PCSK5: variants seen among roughly 807,000 people sequenced by gnomAD.
The protein encoded by PCSK5 is prohormone convertase 5.
PCSK5 carries 129 observed loss-of-function variants against 233.2 expected under a neutral mutation model. That is an observed-to-expected ratio of 0.55 (90% confidence interval 0.48 to 0.64). The LOEUF is 0.64. Ranked by LOEUF, PCSK5 falls within the 30% of genes least tolerant of loss-of-function variation. The pLI is 0.00. For missense variants in PCSK5, 2,076 were observed against 2,430.1 expected (o/e 0.85, Z 3.06); for synonymous variants, 825 against 879.2 (o/e 0.94, Z 1.09).
intron 28 of PCSK5, among the ~76,000 whole-genome samples, chr9:76,304,108 G>T (rs928494518): frequency 2.6e-5 from 4 of 152,132 alleles, no homozygotes; most frequent in African/African-American, 7.2e-5. Context: ...GGAGGTGAAG[G>T]TTGCAGTGAG....
chr9:76,220,557 G>C (rs968791447), intron 20 of PCSK5, among the ~76,000 whole-genome samples: 2 of 147,616 alleles, frequency 1.4e-5, no homozygotes, highest in Admixed American at 6.7e-5. Flanking sequence ...ATCACACTCA[G>C]GTCTTTTACC....
intron 1 of PCSK5, 89 bp downstream of exon 1, chr9:75,891,462 C>T (rs1315385499): frequency 1.8e-6 from 2 of 1,084,238 alleles, no homozygotes; most frequent in Non-Finnish European, 1.3e-6. Flanking sequence ...CCCCCTCTTC[C>T]AGATGTGCTC....
chr9:76,296,808 C>G lies in PCSK5; in HGVS notation c.3466C>G (p.Leu1156Val). Residue 1156 changes from leucine (L) to valine (V), a missense_variant, in exon 27 of 38, where the codon CTG (leucine) becomes GTG (valine). Transcript: ENST00000674117. ...CSSCQEGLQL[L>V]RGMCVHATKT... ...CAGCTGCCAGGAAGGACTGCAGCTG[C>G]TGCGTGGGATGTGCGTGCATGCCAC... The G allele has an allele frequency of 1.2e-6, 2 of 1,612,456 alleles. No individual in the cohort carries two copies. The highest frequency in any genetic ancestry group is 1.7e-6 in the Non-Finnish European group (2 of 1,179,628).
chr9:76,285,092 G>T (rs916905199), intron 24 of PCSK5, among the ~76,000 whole-genome samples: 7 of 152,178 alleles, frequency 4.6e-5, no homozygotes, highest in Non-Finnish European at 1.0e-4. Context: ...TGTTGATTGA[G>T]ATTGGAGAGT....
chr9:75,920,045 T>C (rs1823179324), intron 1 of PCSK5, among the ~76,000 whole-genome samples: 1 of 152,156 alleles, frequency 6.6e-6, no homozygotes, highest in Admixed American at 6.5e-5. Flanking sequence ...GGCACATGCC[T>C]GTAATCCCAA....
intron 24 of PCSK5, among the ~76,000 whole-genome samples, chr9:76,251,294 T>A (rs907187699): frequency 6.6e-6 from 1 of 151,058 alleles, no homozygotes; most frequent in Non-Finnish European, 1.5e-5. Flanking sequence ...CCAGGCGCGG[T>A]GGCTCACGCC....
chr9:75,909,221 G>C (rs983606575), intron 1 of PCSK5, among the ~76,000 whole-genome samples: 1 of 151,988 alleles, frequency 6.6e-6, no homozygotes, highest in Non-Finnish European at 1.5e-5. Context: ...GTTACTCTGG[G>C]AGGCTGAGGC....
At position 76,071,869 on chromosome 9, in the gene PCSK5, C is replaced by T. The variant is rs1454758300; in HGVS notation, c.865C>T (p.Arg289Trp). 2.5e-6 allele frequency: 4 copies of T among 1,613,962 alleles called. No homozygotes were observed. The Admixed American group carries it at 5.0e-5, about 20-fold the overall frequency. Residue 289 changes from arginine to tryptophan, a missense_variant, in exon 7 of 38, where the codon CGG becomes TGG. By Grantham distance (101) the Arg-to-Trp change is moderately radical. Around this residue, in one of 6 missense-constraint regions of PCSK5, gnomAD observed 178 missense variants for 393.6 expected, o/e 0.45. Coordinates refer to ENST00000674117, the MANE Select transcript of PCSK5 (RefSeq NM_001372043.1). Reference sequence around the variant, plus strand: ...TGTGGACGGACCAGCCCCCCTCACCCGGCAAGCCTTTGAAAACGGCGTTAG... The same window carrying T: ...TGTGGACGGACCAGCCCCCCTCACCTGGCAAGCCTTTGAAAACGGCGTTAG... ...KTVDGPAPLTRQAFENGVRMG... is the reference protein window; with the variant it reads ...KTVDGPAPLTWQAFENGVRMG...
At chr9:75,893,351 T>A (rs1042945305) in intron 1 of PCSK5, among the ~76,000 whole-genome samples, 1 of 152,142 alleles carries the variant, frequency 6.6e-6, no homozygotes. Context: ...CAGTCCCCCA[T>A]GGATCCTGCC....
At chr9:75,960,024 A>G (rs1825273004) in intron 2 of PCSK5, among the ~76,000 whole-genome samples, 1 of 152,206 alleles carries the variant, frequency 6.6e-6, no homozygotes, top group Admixed American at 6.5e-5. Context: ...CTAGGATTCA[A>G]ACTCATGTGT....
In PCSK5 at chr9:76,184,747, G is replaced by T; in HGVS notation, c.2272G>T (p.Asp758Tyr). 2 of 1,599,392 alleles carry T rather than the reference G, an allele frequency of 1.3e-6. No individual in the cohort carries two copies. The highest frequency in any genetic ancestry group is 2.2e-5 in the South Asian group (2 of 90,582). Residue 758 changes from aspartate (D) to tyrosine (Y), a missense_variant, in exon 17 of 38, where the codon GAT (aspartate) becomes TAT (tyrosine). Asp to Tyr is a radical substitution (Grantham distance 160). Transcript: ENST00000674117. ...TEFHNCTECR[D>Y]GLSLQGSRCS... is the part of the protein sequence containing the mutation. Reference sequence around the variant, plus strand: ...ATTCCATAACTGTACAGAATGTAGGGATGGGTTAAGGTAAGAGAGTGAAGG... The same window carrying T: ...ATTCCATAACTGTACAGAATGTAGGTATGGGTTAAGGTAAGAGAGTGAAGG...
At chr9:76,192,258 T>C (rs1824428994) in intron 20 of PCSK5, among the ~76,000 whole-genome samples, 1 of 152,058 alleles carries the variant, frequency 6.6e-6, no homozygotes, top group Admixed American at 6.6e-5. Flanking sequence ...AGTGTCAGGC[T>C]TGTGGGCTGA....
intron 5 of PCSK5, among the ~76,000 whole-genome samples, chr9:76,054,101 C>G (rs1267551873): frequency 6.6e-6 from 1 of 152,114 alleles, no homozygotes; most frequent in Non-Finnish European, 1.5e-5. Flanking sequence ...ATAAAACCAT[C>G]AGCTCTCATA....
intron 21 of PCSK5, among the ~76,000 whole-genome samples, chr9:76,232,708 C>T (rs543905322): frequency 9.2e-5 from 14 of 152,110 alleles, no homozygotes; most frequent in Non-Finnish European, 1.0e-4. Context: ...TTTGCTCTTA[C>T]GATTAGTTTG....
intron 2 of PCSK5, among the ~76,000 whole-genome samples, chr9:75,966,472 C>T (rs7869406): frequency 0.7 from 105,933 of 151,824 alleles, 37,411 homozygotes; most frequent in East Asian, 0.8. Context: ...ATACATTGCC[C>T]ATAAGGAGAG....
At chr9:76,348,540 C>T (rs946230415) in intron 35 of PCSK5, among the ~76,000 whole-genome samples, 1 of 151,992 alleles carries the variant, frequency 6.6e-6, no homozygotes, top group Non-Finnish European at 1.5e-5. Context: ...CATAATTACA[C>T]CAAGCCATGA....
intron 3 of PCSK5, among the ~76,000 whole-genome samples, chr9:76,004,581 G>T (rs184283784): frequency 2.0e-5 from 3 of 152,212 alleles, no homozygotes; most frequent in Admixed American, 2.0e-4. Flanking sequence ...TTACATCAGT[G>T]CTTGCGAGGT....
chr9:75,923,273 G>A (rs1823331960), intron 1 of PCSK5, among the ~76,000 whole-genome samples: 1 of 152,174 alleles, frequency 6.6e-6, no homozygotes, highest in African/African-American at 2.4e-5. Flanking sequence ...TTCCTTTGGA[G>A]GGTTGTTGGG....
chr9:76,064,030 G>A (rs1215970858), intron 5 of PCSK5, among the ~76,000 whole-genome samples: 5 of 92,400 alleles, frequency 5.4e-5, no homozygotes, highest in African/African-American at 1.8e-4. Context: ...CCTCCCTCCC[G>A]GACGGGGCAG....
Sources: gnomAD v4.1 joint callset for allele counts (sites outside exome capture counted in the v4.1 genomes callset) on GRCh38, gnomAD v4.1.1 for gene constraint, gnomAD v4.1.1 regional missense constraint, MANE v1.5 for transcripts, NCBI Gene and HGNC (gene_info 2026-07-23, HGNC 2026-07-21) for gene names.